UTP20: variants seen among roughly 807,000 people sequenced by gnomAD.
UTP20 encodes small subunit processome component 20 homolog.
UTP20 carries 164 observed loss-of-function variants against 329.5 expected under a neutral mutation model. The observed-to-expected ratio is 0.50, with a 90% CI of 0.44 to 0.57. The LOEUF (loss-of-function observed/expected upper bound fraction) is 0.57, where lower values mean the gene tolerates loss of function less well. UTP20 is among the 20% of genes least tolerant of loss of function. The pLI is 0.00. For missense variants in UTP20, 3,055 were observed against 3,284.2 expected (o/e 0.93, Z 1.71); for synonymous variants, 1,151 against 1,159.3 (o/e 0.99, Z 0.14).
At chr12:101,339,285 C>T (rs898821386) in intron 31 of UTP20, among the ~76,000 whole-genome samples, 8 of 151,948 alleles carry the variant, frequency 5.3e-5, no homozygotes, top group Admixed American at 3.9e-4. Context: ...TGCACTCCAG[C>T]CTGGGCGACA....
chr12:101,353,030 A>C lies in UTP20; in HGVS notation c.5025-17A>C. On this transcript the variant is annotated splice_polypyrimidine_tract_variant and intron_variant, in intron 39 of 61. Transcript: ENST00000261637. ...AATAATCAAATGAACATTTCTGTAT[A>C]CTTTTTTTTTTAACAGTTTGCTAGT... 10 of 1,464,726 alleles carry C rather than the reference A, an allele frequency of 6.8e-6. No homozygotes were observed. The highest frequency in any genetic ancestry group is 2.3e-5 in the East Asian group (1 of 43,538). 90.7% of individuals were successfully genotyped at this position (1,464,726 alleles called of 1,614,324 possible).
chr12:101,342,985 C>A lies in UTP20; in HGVS notation c.4341C>A (p.Asp1447Glu). ...GACATCTTGATGATATCAACTTCGA[C>A]GTTCGCTTTGAGACTTTCCAGACCA... is the stretch of plus-strand genomic sequence containing the variant. Reference protein sequence around the residue: ...DQRHLDDINFDVRFETFQTIT... With the variant: ...DQRHLDDINFEVRFETFQTIT... The change falls in exon 35 of 62, where the codon GAC (aspartate) becomes GAA (glutamate). Residue 1447 changes from aspartate to glutamate, a missense_variant. Asp to Glu is a conservative substitution (Grantham distance 45). Coordinates refer to ENST00000261637, the MANE Select transcript of UTP20 (RefSeq NM_014503.3). 6.2e-7 allele frequency: 1 copy of A among 1,613,742 alleles called. No homozygotes were observed.
chr12:101,345,191 C>A (rs1483296550), intron 36 of UTP20, among the ~76,000 whole-genome samples: 2 of 152,042 alleles, frequency 1.3e-5, no homozygotes, highest in African/African-American at 4.8e-5. Context: ...AGTGATCCAC[C>A]TGCCTTGGCC....
intron 38 of UTP20, among the ~76,000 whole-genome samples, chr12:101,348,967 T>C (rs890248561): frequency 2.6e-5 from 4 of 152,230 alleles, no homozygotes; most frequent in East Asian, 3.9e-4. Context: ...TCTTTTCTTG[T>C]CTTTGTTTTT....
chr12:101,324,993 A>G (rs553176097), intron 25 of UTP20, among the ~76,000 whole-genome samples: 3 of 152,340 alleles, frequency 2.0e-5, no homozygotes, highest in South Asian at 4.1e-4. Flanking sequence ...AGCCATCCAC[A>G]TGACAAAACT....
chr12:101,320,990 T>A (rs535557077), intron 24 of UTP20, 53 bp downstream of exon 24: 1 of 1,504,444 alleles, frequency 6.6e-7, no homozygotes, highest in South Asian at 1.3e-5. Flanking sequence ...ATTTTTATAT[T>A]TCTGCCTAAG....
chr12:101,347,708 G>A (rs943980372), intron 38 of UTP20, among the ~76,000 whole-genome samples: 4 of 152,146 alleles, frequency 2.6e-5, no homozygotes, highest in Non-Finnish European at 4.4e-5. Flanking sequence ...TTAAAAGATA[G>A]CTCCCTTATA....
chr12:101,297,519 A>T (rs1872395102), intron 12 of UTP20, among the ~76,000 whole-genome samples: 1 of 152,224 alleles, frequency 6.6e-6, no homozygotes, highest in African/African-American at 2.4e-5. Flanking sequence ...TAGCAAACTC[A>T]TCTTAACACC....
Position 101,315,244 on chromosome 12 carries a change from G to A in UTP20, c.2553-2234G>A, listed in dbSNP as rs537539082. 4.0e-4 allele frequency among the ~76,000 whole-genome samples: 61 copies of A among 152,250 alleles called. No individual in the cohort carries two copies. In the South Asian group the frequency reaches 0.011, roughly 28 times the overall value. ...CTCACACCTGTAATCCCAGCACTTT[G>A]GGGGGCCGAGGTGGGCAGATCATGA... On this transcript the variant is annotated intron_variant, in intron 21 of 61. Coordinates refer to ENST00000261637, the MANE Select transcript of UTP20 (RefSeq NM_014503.3).
chr12:101,306,413 T>C (rs547554450), intron 16 of UTP20, among the ~76,000 whole-genome samples: 23 of 152,270 alleles, frequency 1.5e-4, no homozygotes, highest in African/African-American at 4.8e-4. Flanking sequence ...GGAATAAAAA[T>C]CACTAACTTT....
At chr12:101,358,747 A>T (rs1869809517) in intron 43 of UTP20, among the ~76,000 whole-genome samples, 1 of 151,718 alleles carries the variant, frequency 6.6e-6, no homozygotes. Context: ...TTTTTTTCCC[A>T]CATCAGGCAG....
At chr12:101,289,137 G>GATTAC in intron 6 of UTP20, 96 bp downstream of exon 6, 3 of 1,073,070 alleles carry the variant, frequency 2.8e-6, no homozygotes, top group Non-Finnish European at 4.1e-6. Context: ...AACACCTTGG[G>GATTAC]AGGCCGAGGC....
In UTP20 at chr12:101,310,595, A is replaced by AG. The variant is rs1555199076; in HGVS notation, c.2231+756_2231+757insG. Among the ~76,000 whole-genome samples, 93 of 121,760 alleles carry AG rather than the reference A, an allele frequency of 7.6e-4. 13 individuals are homozygous for AG. Among genetic ancestry groups the AG allele is most frequent in the South Asian group, 5.7e-4 (2 of 3,520 alleles). 79.9% of individuals were successfully genotyped at this position (121,760 alleles called of 152,430 possible). On this transcript the variant is annotated intron_variant, in intron 19 of 61. Transcript: ENST00000261637. ...TGTCTCCCAAAAAAAAAAAAAAAAA[A>AG]AAATACATGTTATGGCTCATGTGTA...
At chr12:101,360,295 A>G (rs377476494) in intron 43 of UTP20, among the ~76,000 whole-genome samples, 12 of 152,186 alleles carry the variant, frequency 7.9e-5, no homozygotes, top group Middle Eastern at 3.2e-3. Flanking sequence ...CCAGCAACTC[A>G]GGTGGCCGAA....
At chr12:101,370,921 A>C in intron 50 of UTP20, 137 bp from the exon 51 acceptor site, 1 of 704,574 alleles carries the variant, frequency 1.4e-6, no homozygotes, top group East Asian at 2.7e-5. Context: ...CTTTGTGCTT[A>C]AGTGTCTATC....
At chr12:101,359,491 A>ATG (rs1167462964) in intron 43 of UTP20, among the ~76,000 whole-genome samples, 17 of 123,664 alleles carry the variant, frequency 1.4e-4, no homozygotes, top group Non-Finnish European at 2.0e-4. Flanking sequence ...GTGTGTATGT[A>ATG]TGTGTGTGTG....
At chr12:101,305,563 A>G (rs1872623370) in intron 15 of UTP20, among the ~76,000 whole-genome samples, 1 of 147,802 alleles carries the variant, frequency 6.8e-6, no homozygotes, top group Admixed American at 6.8e-5. Flanking sequence ...TAAATATTAA[A>G]TTTAATATTT....
At chr12:101,310,941 GA>G (rs1872770989) in intron 19 of UTP20, among the ~76,000 whole-genome samples, 1 of 152,156 alleles carries the variant, frequency 6.6e-6, no homozygotes, top group East Asian at 1.9e-4. Context: ...TACACTTTCA[GA>G]AGAGAGAATT....
intron 43 of UTP20, among the ~76,000 whole-genome samples, chr12:101,359,281 G>C (rs1366318320): frequency 2.6e-5 from 4 of 152,086 alleles, no homozygotes; most frequent in Non-Finnish European, 5.9e-5. Context: ...ATCCAGGCTG[G>C]TCTCAAATTC....
Sources: gnomAD v4.1 joint callset for allele counts (sites outside exome capture counted in the v4.1 genomes callset) on GRCh38, gnomAD v4.1.1 for gene constraint, MANE v1.5 for transcripts, NCBI Gene and HGNC (gene_info 2026-07-23, HGNC 2026-07-21) for gene names.